The following PPARGC1B variants were observed in gnomAD, a reference collection of about 807,000 sequenced individuals.
PPARGC1B encodes PPARG coactivator 1 beta.
A neutral mutation model predicts 101.6 loss-of-function variants in PPARGC1B; 34 were observed. That is an observed-to-expected ratio of 0.33 (90% CI 0.25 to 0.45). PPARGC1B has a LOEUF of 0.45. Among genes scored for constraint, PPARGC1B ranks in the 20% least tolerant of loss-of-function variants. The probability of loss-of-function intolerance (pLI) is 1.00; values close to 1 mark genes in which losing one functional copy is unlikely to be tolerated. For missense variants in PPARGC1B, 1,234 were observed against 1,317.6 expected (o/e 0.94, Z 0.98); for synonymous variants, 548 against 539.3 (o/e 1.02, Z -0.22).
At chr5:149,831,571 C>G (rs1419549868) in intron 4 of PPARGC1B, among the ~76,000 whole-genome samples, 1 of 152,184 alleles carries the variant, frequency 6.6e-6, no homozygotes, top group Non-Finnish European at 1.5e-5. Context: ...CCCTATTTGT[C>G]CTGGCTGACC....
chr5:149,737,554 C>T (rs1184456338), intron 1 of PPARGC1B, among the ~76,000 whole-genome samples: 1 of 152,328 alleles, frequency 6.6e-6, no homozygotes, highest in Middle Eastern at 3.4e-3. Flanking sequence ...TGTGGCAGTA[C>T]GCAGGGCCAG....
In PPARGC1B at chr5:149,848,736, G is replaced by A. The variant is rs1759668712; in HGVS notation, c.*1178G>A. On this transcript the variant is annotated 3_prime_UTR_variant, in exon 12 of 12. Coordinates refer to ENST00000309241, the MANE Select transcript of PPARGC1B (RefSeq NM_133263.4). ...ACCCCTGGCAGCGGTACAGACAGGTGGTCTGGGAGCAGTCATCTTTTTTGG... is the reference window on the plus strand; with the variant it reads ...ACCCCTGGCAGCGGTACAGACAGGTAGTCTGGGAGCAGTCATCTTTTTTGG... The A allele has an allele frequency of 6.6e-6, 1 of 152,200 alleles. No homozygotes were observed. Among genetic ancestry groups the A allele is most frequent in the East Asian group, 1.9e-4 (1 of 5,184 alleles). 9.4% of individuals were successfully genotyped at this position (152,200 alleles called of 1,614,324 possible).
At chr5:149,745,541 C>T (rs1024264515) in intron 1 of PPARGC1B, among the ~76,000 whole-genome samples, 3 of 152,052 alleles carry the variant, frequency 2.0e-5, no homozygotes, top group African/African-American at 7.2e-5. Context: ...CTGCCAGTTC[C>T]CTCCCCTCTC....
At chr5:149,817,073 G>A (rs990437863) in intron 1 of PPARGC1B, among the ~76,000 whole-genome samples, 2 of 151,998 alleles carry the variant, frequency 1.3e-5, no homozygotes, top group African/African-American at 2.4e-5. Context: ...TGACCTCAAC[G>A]CCTTGTGCCT....
At chr5:149,813,109 T>A (rs111943310) in intron 1 of PPARGC1B, among the ~76,000 whole-genome samples, 2,749 of 152,220 alleles carry the variant, frequency 0.018, 89 homozygotes, top group African/African-American at 0.062. Flanking sequence ...TTGAGAAGGT[T>A]TGGGGCTTAG....
Position 149,804,893 on chromosome 5 carries a change from G to A in PPARGC1B, c.79-15540G>A, listed in dbSNP as rs575537563. 2.0e-5 allele frequency among the ~76,000 whole-genome samples: 3 copies of A among 152,334 alleles called. No homozygotes were observed. The East Asian group carries it at 5.8e-4, about 29-fold the overall frequency. ...GGAGGGTGGGAGAGTCCAGGAGGTGGTGAGAAAGCAGGCAGGCTCCAGCTG... is the reference window on the plus strand; with the variant it reads ...GGAGGGTGGGAGAGTCCAGGAGGTGATGAGAAAGCAGGCAGGCTCCAGCTG... On this transcript the variant is annotated intron_variant, in intron 1 of 11. Coordinates refer to ENST00000309241, the MANE Select transcript of PPARGC1B (RefSeq NM_133263.4).
intron 1 of PPARGC1B, among the ~76,000 whole-genome samples, chr5:149,812,038 T>C (rs1757884574): frequency 1.3e-5 from 2 of 152,296 alleles, no homozygotes; most frequent in Non-Finnish European, 2.9e-5. Context: ...CCTGACCAGG[T>C]ACCTACTTGG....
chr5:149,769,029 A>T (rs1257763434), intron 1 of PPARGC1B, among the ~76,000 whole-genome samples: 1 of 152,194 alleles, frequency 6.6e-6, no homozygotes, highest in Non-Finnish European at 1.5e-5. Context: ...CTCTCTGCTA[A>T]TGTTAATCTC....
At chr5:149,771,375 G>A (rs969401145) in intron 1 of PPARGC1B, among the ~76,000 whole-genome samples, 2 of 152,228 alleles carry the variant, frequency 1.3e-5, no homozygotes, top group African/African-American at 4.8e-5. Context: ...TGCAGCCCAG[G>A]TAGGCAGGTT....
chr5:149,785,240 G>A (rs892770110), intron 1 of PPARGC1B, among the ~76,000 whole-genome samples: 2 of 150,396 alleles, frequency 1.3e-5, no homozygotes, highest in African/African-American at 4.9e-5. Context: ...CTCTTTTAAG[G>A]GCCCTTCTGG....
intron 10 of PPARGC1B, chr5:149,845,547 GCCAACACCT>G: frequency 3.6e-6 from 2 of 558,150 alleles, no homozygotes; most frequent in Non-Finnish European, 6.3e-6. Flanking sequence ...AGATGTGATG[GCCAACACCT>G]GGCAGACATT....
intron 1 of PPARGC1B, among the ~76,000 whole-genome samples, chr5:149,748,331 A>C (rs1438862112): frequency 1.3e-5 from 2 of 149,878 alleles, no homozygotes; most frequent in South Asian, 2.1e-4. Flanking sequence ...ATATCTATAT[A>C]TATATATCTC....
Position 149,853,746 on chromosome 5 carries a change from A to G in PPARGC1B, c.*6188A>G, listed in dbSNP as rs1759855936. 1 of 152,112 alleles carries G rather than the reference A, an allele frequency of 6.6e-6. No individual in the cohort carries two copies. The highest frequency in any genetic ancestry group is 2.4e-5 in the African/African-American group (1 of 41,418). 9.4% of individuals were successfully genotyped at this position (152,112 alleles called of 1,614,324 possible). A position where few individuals can be genotyped will look rare whatever the true frequency, so the allele number is the denominator to read the frequency against. ...AAACTATTCCCAACTTTGTTTCTTG[A>G]GGGATGTTCTGATTCCAATGGAAAC... On this transcript the variant is annotated 3_prime_UTR_variant, in exon 12 of 12. Coordinates refer to ENST00000309241, the MANE Select transcript of PPARGC1B (RefSeq NM_133263.4). The surrounding 1 kb of genome is among the most constrained non-coding windows in gnomAD (Gnocchi z 4.2).
At chr5:149,767,812 T>G (rs1214035115) in intron 1 of PPARGC1B, among the ~76,000 whole-genome samples, 2 of 151,888 alleles carry the variant, frequency 1.3e-5, no homozygotes, top group African/African-American at 4.8e-5. Flanking sequence ...TGGAAGACAG[T>G]TTTTCCACAG....
At chr5:149,756,776 G>A (rs147969971) in intron 1 of PPARGC1B, among the ~76,000 whole-genome samples, 214 of 152,288 alleles carry the variant, frequency 1.4e-3, no homozygotes, top group Middle Eastern at 3.4e-3. Flanking sequence ...CCAACAAGGG[G>A]TAGGGCCTTA....
intron 1 of PPARGC1B, chr5:149,772,155 G>A (rs928230920): frequency 6.2e-7 from 1 of 1,607,716 alleles, no homozygotes; most frequent in Non-Finnish European, 8.5e-7. Flanking sequence ...TGTTGGGCCA[G>A]AGGTTGTTTA....
At chr5:149,845,499 A>T (rs1228417303) in intron 10 of PPARGC1B, 2 of 489,488 alleles carry the variant, frequency 4.1e-6, no homozygotes, top group Non-Finnish European at 7.2e-6. Flanking sequence ...TAACAACAGT[A>T]CCCACCTCAC....
Position 149,820,358 on chromosome 5 carries a change from CATT to C in PPARGC1B, c.79-71_79-69del, listed in dbSNP as rs1758238630. 2.5e-5 allele frequency: 36 copies of C among 1,415,394 alleles called. No homozygotes were observed. In the South Asian group the frequency reaches 4.3e-4, roughly 17 times the overall value. 87.7% of individuals were successfully genotyped at this position (1,415,394 alleles called of 1,614,324 possible). On this transcript the variant is annotated intron_variant, in intron 1 of 11. Transcript: ENST00000309241. ...GGCCACGGGTCCAGATTAGCTGCAT[CATT>C]ATTGAGAGGGCCCCTGCTTGGGTCT...
chr5:149,834,761 T>G lies in PPARGC1B; in HGVS notation c.1742+51T>G, dbSNP rs1225660310. The G allele has an allele frequency of 3.9e-6, 6 of 1,535,998 alleles. No homozygotes were observed. In the South Asian group the frequency reaches 6.7e-5, roughly 17 times the overall value. ...ATTGTTCCATGAGATTTTGTCTTGT[T>G]GGATGTGTGTGTTGGTGGTGATGGG... On this transcript the variant is annotated intron_variant, in intron 6 of 11. Transcript: ENST00000309241.
Sources: allele counts gnomAD v4.1 joint callset (sites outside exome capture counted in the v4.1 genomes callset), GRCh38; gene constraint gnomAD v4.1.1; non-coding constraint Gnocchi (gnomAD v3.1); transcripts MANE v1.5; gene names NCBI Gene and HGNC (gene_info 2026-07-23, HGNC 2026-07-21).